The following MASTL variants were observed in gnomAD, a reference collection of about 807,000 sequenced individuals.
MASTL encodes the protein microtubule associated serine/threonine kinase like, also known as serine/threonine-protein kinase greatwall.
MASTL carries 54 observed loss-of-function variants against 82.5 expected under a neutral mutation model. The observed-to-expected ratio is 0.65, with a 90% confidence interval of 0.53 to 0.82. The LOEUF (loss-of-function observed/expected upper bound fraction) is 0.82, where lower values mean the gene tolerates loss of function less well. Ranked by LOEUF, MASTL falls within the 40% of genes least tolerant of loss-of-function variation. The pLI, the probability that MASTL is intolerant of heterozygous loss-of-function variation, is 0.00. For synonymous variants in MASTL, 323 were observed against 368.9 expected, an observed-to-expected ratio of 0.88 and a Z score of 1.43; for missense variants, 950 against 1,047.8, an observed-to-expected ratio of 0.91 and a Z score of 1.29.
At position 27,181,584 on chromosome 10, in the gene MASTL, A is replaced by G. The variant is rs2058309252; in HGVS notation, c.2482+3A>G. On this transcript the variant is annotated splice_donor_region_variant and intron_variant, in intron 11 of 11. Transcript: ENST00000375940. ...TACAAAGAGAGCTGGAATGAAAGGT[A>G]TGGTTTTGTGTTAATACATTGTTTT... The G allele has an allele frequency of 6.3e-7, 1 of 1,590,558 alleles. No homozygotes were observed. Among genetic ancestry groups the G allele is most frequent in the African/African-American group, 1.3e-5 (1 of 74,564 alleles).
intron 3 of MASTL, among the ~76,000 whole-genome samples, chr10:27,160,406 A>C (rs1427225081): frequency 2.0e-5 from 3 of 152,120 alleles, no homozygotes; most frequent in Middle Eastern, 3.4e-3. Context: ...CTCTATGCAA[A>C]GAAAGTCAGA....
chr10:27,166,358 A>C (rs1267871537), intron 6 of MASTL, among the ~76,000 whole-genome samples: 4 of 152,230 alleles, frequency 2.6e-5, no homozygotes, highest in Non-Finnish European at 5.9e-5. Flanking sequence ...ATTAAATACA[A>C]GTTGAATTGA....
intron 8 of MASTL, among the ~76,000 whole-genome samples, chr10:27,171,410 A>AATAATTATT (rs1554815373): frequency 1.4e-5 from 2 of 144,754 alleles, no homozygotes; most frequent in African/African-American, 5.2e-5. Context: ...TGAGTTACAA[A>AATAATTATT]ATTATTATTA....
At position 27,170,191 on chromosome 10, in the gene MASTL, T is replaced by C. The variant is rs1057524713; in HGVS notation, c.1232T>C (p.Met411Thr). 6 of 1,614,002 alleles carry C rather than the reference T, an allele frequency of 3.7e-6. No individual in the cohort carries two copies. The highest frequency in any genetic ancestry group is 5.1e-6 in the Non-Finnish European group (6 of 1,180,028). ...AVELDVNNIN[M>T]DTDTSQLGFH... ...GAACTGGATGTAAATAATATAAATA[T>C]GGACACTGACACAAGTCAGTTAGGT... Residue 411 changes from methionine to threonine, a missense_variant, in exon 8 of 12, where the codon ATG becomes ACG. Coordinates refer to ENST00000375940, the MANE Select transcript of MASTL (RefSeq NM_001172303.3).
intron 2 of MASTL, 126 bp downstream of exon 2, chr10:27,158,812 C>G (rs1219568437): frequency 3.2e-6 from 3 of 952,372 alleles, no homozygotes; most frequent in Non-Finnish European, 5.0e-6. Context: ...ACTGCCTTGG[C>G]AAATTTACCT....
In MASTL at chr10:27,159,776, C is replaced by T. The variant is rs2057508328; in HGVS notation, c.464+18C>T. The T allele has an allele frequency of 6.2e-7, 1 of 1,601,508 alleles. No homozygotes were observed. Among genetic ancestry groups the T allele is most frequent in the South Asian group, 1.1e-5 (1 of 90,732 alleles). The stretch of plus-strand genomic sequence containing the variant: ...ATCCACAGGTAAAGACTGACTTCTC[C>T]AAATTATTACTTAAAAATTCAAGTA... On this transcript the variant is annotated intron_variant, in intron 3 of 11. Transcript: ENST00000375940. The surrounding 1 kb of genome is among the most constrained non-coding windows in gnomAD (Gnocchi z 4.0).
Position 27,161,086 on chromosome 10 carries a change from G to T in MASTL, c.465-8G>T, listed in dbSNP as rs753184095. On this transcript the variant is annotated splice_polypyrimidine_tract_variant and splice_region_variant and intron_variant, in intron 3 of 11. Transcript: ENST00000375940. ...TGGTTATCTAATATTTGCCTTTTGT[G>T]TGTGCAGGGACTTGAAACCGGACAA... 2 of 1,590,410 alleles carry T rather than the reference G, an allele frequency of 1.3e-6. No individual in the cohort carries two copies. The highest frequency in any genetic ancestry group is 2.2e-5 in the South Asian group (2 of 90,586).
chr10:27,184,867 C>G (rs1448453179), intron 11 of MASTL, among the ~76,000 whole-genome samples: 1 of 152,048 alleles, frequency 6.6e-6, no homozygotes, highest in Non-Finnish European at 1.5e-5. Context: ...CCCAAAAGAG[C>G]ATACTTTTAT....
rs549468397 is a variant in MASTL, at chr10:27,174,027, A to G, written c.2266+768A>G. 4.6e-5 allele frequency among the ~76,000 whole-genome samples: 7 copies of G among 152,268 alleles called. No individual in the cohort carries two copies. The South Asian group carries it at 1.0e-3, about 23-fold the overall frequency. Reference sequence around the variant, plus strand: ...TCCTTACCAGAAGAGTCAAGCCAGAAATGAACCATCATCCTTCAAAACAGA... The same window carrying G: ...TCCTTACCAGAAGAGTCAAGCCAGAGATGAACCATCATCCTTCAAAACAGA... On this transcript the variant is annotated intron_variant, in intron 9 of 11. Coordinates refer to ENST00000375940, the MANE Select transcript of MASTL (RefSeq NM_001172303.3).
upstream of MASTL, chr10:27,154,544 G>A (rs553493548): frequency 7.2e-6 from 3 of 419,550 alleles, no homozygotes; most frequent in African/African-American, 4.1e-5. Flanking sequence ...GGGGAGAACA[G>A]CCTTTACCCT....
In MASTL at chr10:27,158,588, C is replaced by T; in HGVS notation, c.226C>T (p.His76Tyr). Residue 76 changes from histidine (H) to tyrosine (Y), a missense_variant, in exon 2 of 12, where the codon CAT (histidine) becomes TAT (tyrosine). Transcript: ENST00000375940. ...AGACATGATCAACAAAAATATGACT[C>T]ATCAGGTCCAAGCTGAGAGAGATGC... ...KADMINKNMTHQVQAERDALA... is the reference protein window; with the variant it reads ...KADMINKNMTYQVQAERDALA... 3 of 1,611,076 alleles carry T rather than the reference C, an allele frequency of 1.9e-6. No individual in the cohort carries two copies. The highest frequency in any genetic ancestry group is 2.2e-5 in the South Asian group (2 of 91,008).
Position 27,165,490 on chromosome 10 carries a change from T to TGTA in MASTL, c.764_766dup (p.Val255dup). On this transcript the variant is annotated inframe_insertion, in exon 6 of 12. Coordinates refer to ENST00000375940, the MANE Select transcript of MASTL (RefSeq NM_001172303.3). ...CTCAAGGACTCGTATGCCCTATGTC[T>TGTA]GTAGATCAAAAGGACACTACGCCTT... 6.2e-7 allele frequency: 1 copy of TGTA among 1,614,156 alleles called. No homozygotes were observed. The highest frequency in any genetic ancestry group is 8.5e-7 in the Non-Finnish European group (1 of 1,180,000).
intron 9 of MASTL, among the ~76,000 whole-genome samples, chr10:27,176,760 T>C (rs1452427379): frequency 6.6e-6 from 1 of 152,204 alleles, no homozygotes; most frequent in Non-Finnish European, 1.5e-5. Flanking sequence ...TATGCCATTC[T>C]TCCTGTGTTG....
At position 27,170,360 on chromosome 10, in the gene MASTL, G is replaced by T. The variant is rs1458545371; in HGVS notation, c.1401G>T (p.Glu467Asp). 1.2e-6 allele frequency: 2 copies of T among 1,613,676 alleles called. No individual in the cohort carries two copies. The highest frequency in any genetic ancestry group is 1.7e-6 in the Non-Finnish European group (2 of 1,179,756). The change falls in exon 8 of 12, where the codon GAG becomes GAT. Residue 467 changes from glutamate (E) to aspartate (D), a missense_variant. Physicochemically the swap from Glu to Asp is conservative, Grantham distance 45 (BLOSUM62 2). Coordinates refer to ENST00000375940, the MANE Select transcript of MASTL (RefSeq NM_001172303.3). ...TACAGAATAAAAAAACTTGTGTAGA[G>T]TATAAGCATAACGAAATGACAAATT... ...KIIQNKKTCV[E>D]YKHNEMTNCY...
upstream of MASTL, chr10:27,154,983 G>C (rs2057302390): frequency 5.5e-6 from 1 of 181,820 alleles, no homozygotes; most frequent in African/African-American, 2.4e-5. Context: ...CCAGACCTCA[G>C]CCCTGGCCCT....
chr10:27,155,045 T>G, upstream of MASTL: 2 of 231,364 alleles, frequency 8.6e-6, no homozygotes, highest in East Asian at 1.1e-4. Flanking sequence ...GGGTGGGAGG[T>G]CGTGTATGGG....
At chr10:27,165,830 G>A (rs1014494636) in intron 6 of MASTL, among the ~76,000 whole-genome samples, 2 of 151,988 alleles carry the variant, frequency 1.3e-5, no homozygotes, top group African/African-American at 4.8e-5. Flanking sequence ...GAGCCCAGGA[G>A]GTTGAGGCTG....
chr10:27,166,921 A>G lies in MASTL; in HGVS notation c.812-181A>G, dbSNP rs1588676655. 4.0e-5 allele frequency among the ~76,000 whole-genome samples: 6 copies of G among 151,864 alleles called. 1 individual carries two copies. In the South Asian group the frequency reaches 1.3e-3, roughly 32 times the overall value. ...GTATATGTATCTAAACATAATGGGAAGCATGCCAGCTGTTCTTGTGGACTA... is the reference window on the plus strand; with the variant it reads ...GTATATGTATCTAAACATAATGGGAGGCATGCCAGCTGTTCTTGTGGACTA... On this transcript the variant is annotated intron_variant, in intron 6 of 11. Coordinates refer to ENST00000375940, the MANE Select transcript of MASTL (RefSeq NM_001172303.3).
intron 1 of MASTL, 52 bp from the exon 2 acceptor site, chr10:27,158,497 C>A: frequency 7.0e-7 from 1 of 1,433,024 alleles, no homozygotes; most frequent in Non-Finnish European, 9.8e-7. Context: ...GAGAATGAGA[C>A]TCTGTCTCAA....
Sources: gnomAD v4.1 joint callset for allele counts (sites outside exome capture counted in the v4.1 genomes callset) on GRCh38, gnomAD v4.1.1 for gene constraint, Gnocchi (gnomAD v3.1) non-coding constraint, MANE v1.5 for transcripts, NCBI Gene and HGNC (gene_info 2026-07-23, HGNC 2026-07-21) for gene names.